Variants in CCDC178 observed in about 807,000 individuals in gnomAD.
CCDC178 encodes coiled-coil domain containing 178.
Under a neutral mutation model 117.4 loss-of-function variants are expected in CCDC178, and 126 were observed. The observed-to-expected ratio is 1.07, with a 90% CI of 0.93 to 1.24. The LOEUF (loss-of-function observed/expected upper bound fraction) is 1.24, where lower values mean the gene tolerates loss of function less well. CCDC178 is among the 50% of genes most tolerant of loss of function. CCDC178 has a pLI of 0.00. For synonymous variants in CCDC178, 283 were observed against 313.4 expected (o/e 0.90, Z 1.02); for missense variants, 1,030 against 986.9 (o/e 1.04, Z -0.59).
chr18:33,266,373 GTGGTTTCAGACATTCACTA>G (rs1431343173), intron 14 of CCDC178, among the ~76,000 whole-genome samples: 2 of 151,804 alleles, frequency 1.3e-5, no homozygotes, highest in Non-Finnish European at 2.9e-5. Context: ...GGTACAATCT[GTGGTTTCAGACATTCACTA>G]TGGGTCTTGG....
chr18:33,239,380 T>A (rs1053826951), intron 15 of CCDC178, among the ~76,000 whole-genome samples: 4 of 151,592 alleles, frequency 2.6e-5, no homozygotes, highest in African/African-American at 9.7e-5. Context: ...AATAAACAAA[T>A]TAAATTCCTC....
chr18:33,134,425 T>A (rs1249126943), intron 20 of CCDC178, among the ~76,000 whole-genome samples: 1 of 152,026 alleles, frequency 6.6e-6, no homozygotes, highest in Non-Finnish European at 1.5e-5. Context: ...CATCCCAAAT[T>A]ATCTCAAATG....
At chr18:33,374,962 T>A (rs1013618754) in intron 5 of CCDC178, among the ~76,000 whole-genome samples, 4 of 152,142 alleles carry the variant, frequency 2.6e-5, no homozygotes, top group Admixed American at 6.5e-5. Flanking sequence ...GTTAAAGTAA[T>A]CTTGTCTGTA....
intron 3 of CCDC178, among the ~76,000 whole-genome samples, chr18:33,408,791 C>T (rs2063815075): frequency 6.6e-6 from 1 of 152,096 alleles, no homozygotes; most frequent in African/African-American, 2.4e-5. Context: ...AATAAACGCA[C>T]TATCAGTATT....
At chr18:33,107,010 T>C (rs1261210726) in intron 20 of CCDC178, among the ~76,000 whole-genome samples, 1 of 151,620 alleles carries the variant, frequency 6.6e-6, no homozygotes, top group African/African-American at 2.4e-5. Context: ...ATCTGAGCAA[T>C]TCAAATGAGC....
intron 22 of CCDC178, among the ~76,000 whole-genome samples, chr18:32,947,132 C>T (rs2054374865): frequency 6.6e-6 from 1 of 151,986 alleles, no homozygotes; most frequent in Admixed American, 6.6e-5. Context: ...GCCGAGGGGA[C>T]TTACAAAGAA....
chr18:33,417,405 C>A (rs1296803406), intron 2 of CCDC178, among the ~76,000 whole-genome samples: 3 of 152,046 alleles, frequency 2.0e-5, no homozygotes, highest in Non-Finnish European at 4.4e-5. Flanking sequence ...AGTGGGAGAA[C>A]AGATTAGCAG....
chr18:33,303,579 T>C (rs1249983451), intron 11 of CCDC178, among the ~76,000 whole-genome samples: 1 of 151,774 alleles, frequency 6.6e-6, no homozygotes. Context: ...ATGCAGACAG[T>C]ATGGGGGATG....
chr18:33,378,943 G>A (rs1256770599), intron 5 of CCDC178, among the ~76,000 whole-genome samples: 1 of 151,498 alleles, frequency 6.6e-6, no homozygotes. Flanking sequence ...GGGTGATGTT[G>A]GCTTTGTAGA....
chr18:33,288,697 G>A (rs1036049228), intron 12 of CCDC178, among the ~76,000 whole-genome samples: 2 of 152,046 alleles, frequency 1.3e-5, no homozygotes, highest in Admixed American at 1.3e-4. Flanking sequence ...AGAGTTCAAA[G>A]CATAAGGAAG....
intron 20 of CCDC178, among the ~76,000 whole-genome samples, chr18:33,141,419 C>T (rs1283931203): frequency 6.6e-6 from 1 of 152,098 alleles, no homozygotes; most frequent in Non-Finnish European, 1.5e-5. Context: ...ACTCCTTCTT[C>T]CTGCAGATCA....
intron 12 of CCDC178, among the ~76,000 whole-genome samples, chr18:33,283,664 A>G (rs1306989820): frequency 1.3e-5 from 2 of 152,188 alleles, no homozygotes; most frequent in East Asian, 3.9e-4. Context: ...AAAGCTCAGC[A>G]TCACTGATCA....
chr18:33,153,019 G>GA (rs11406493), intron 20 of CCDC178, among the ~76,000 whole-genome samples: 118,636 of 146,142 alleles, frequency 0.81, 49,456 homozygotes, highest in South Asian at 0.93. Flanking sequence ...TTAGACTTGT[G>GA]AAAAAAAAAA....
intron 9 of CCDC178, among the ~76,000 whole-genome samples, chr18:33,343,108 G>A (rs1222151865): frequency 1.3e-5 from 2 of 151,850 alleles, no homozygotes; most frequent in Non-Finnish European, 2.9e-5. Context: ...CCAGAGCTGT[G>A]ATTTTTTTTT....
At chr18:33,248,108 GACAT>G (rs1238245104) in intron 14 of CCDC178, among the ~76,000 whole-genome samples, 17 of 151,730 alleles carry the variant, frequency 1.1e-4, no homozygotes, top group Non-Finnish European at 4.4e-5. Flanking sequence ...ACTTATTAAG[GACAT>G]ACAAAGTGAT....
chr18:33,293,829 T>C (rs1235739534), intron 11 of CCDC178, among the ~76,000 whole-genome samples: 4 of 152,176 alleles, frequency 2.6e-5, no homozygotes, highest in African/African-American at 9.6e-5. Flanking sequence ...TAGTATTGTT[T>C]CCAAGGGAAA....
At chr18:33,345,475 C>G (rs888102490) in intron 9 of CCDC178, among the ~76,000 whole-genome samples, 1 of 152,078 alleles carries the variant, frequency 6.6e-6, no homozygotes, top group Non-Finnish European at 1.5e-5. Flanking sequence ...GTTTTGATAC[C>G]TGCTAGAAGT....
intron 21 of CCDC178, among the ~76,000 whole-genome samples, chr18:32,975,186 C>A (rs554690390): frequency 6.6e-6 from 1 of 152,154 alleles, no homozygotes; most frequent in African/African-American, 2.4e-5. Flanking sequence ...TAGAGCATGA[C>A]AAAACTAAAG....
chr18:33,114,497 T>C (rs1290101008), intron 20 of CCDC178, among the ~76,000 whole-genome samples: 1 of 152,024 alleles, frequency 6.6e-6, no homozygotes, highest in African/African-American at 2.4e-5. Flanking sequence ...ACTTAACAGT[T>C]ATTACTCTAT....
Sources: gnomAD v4.1 joint callset for allele counts (sites outside exome capture counted in the v4.1 genomes callset) on GRCh38, gnomAD v4.1.1 for gene constraint, MANE v1.5 for transcripts, NCBI Gene and HGNC (gene_info 2026-07-23, HGNC 2026-07-21) for gene names.